The following CDH18 variants were observed in gnomAD, a reference collection of about 807,000 sequenced individuals.
CDH18 encodes cadherin 18.
In CDH18, 31 loss-of-function variants were observed where a neutral mutation model predicts 67.9. The ratio of observed to expected loss-of-function variants is 0.46; its 90% CI spans 0.34 to 0.62. The LOEUF is 0.62. Among genes scored for constraint, CDH18 ranks in the 20% least tolerant of loss-of-function variants. The pLI is 0.01. For synonymous variants in CDH18, 362 were observed against 347.2 expected, an observed-to-expected ratio of 1.04 and a Z score of -0.48; for missense variants, 890 against 975.5, an observed-to-expected ratio of 0.91 and a Z score of 1.17.
intron 2 of CDH18, among the ~76,000 whole-genome samples, chr5:20,110,540 C>T (rs903717580): frequency 1.3e-5 from 2 of 152,010 alleles, no homozygotes; most frequent in Non-Finnish European, 2.9e-5. Context: ...AAAAATTAGC[C>T]GGGTGTGGTG....
At chr5:20,504,759 AATTTTTTTT>A (rs1754553003) in intron 1 of CDH18, among the ~76,000 whole-genome samples, 1 of 122,294 alleles carries the variant, frequency 8.2e-6, no homozygotes, top group Admixed American at 1.1e-4. Flanking sequence ...CACAAAAGGG[AATTTTTTTT>A]TTTTTTTTTT....
chr5:20,016,611 C>T (rs1737904510), intron 2 of CDH18, among the ~76,000 whole-genome samples: 1 of 152,136 alleles, frequency 6.6e-6, no homozygotes, highest in South Asian at 2.1e-4. Flanking sequence ...TGCATAGTTG[C>T]AGTCAGAGTG....
intron 7 of CDH18, among the ~76,000 whole-genome samples, chr5:19,588,260 T>C (rs1268327013): frequency 6.6e-6 from 1 of 152,128 alleles, no homozygotes; most frequent in Non-Finnish European, 1.5e-5. Flanking sequence ...TCTTCCTATC[T>C]GAATACCCTT....
At chr5:20,392,600 T>C (rs114638467) in intron 1 of CDH18, among the ~76,000 whole-genome samples, 1,748 of 152,016 alleles carry the variant, frequency 0.011, 18 homozygotes, top group Non-Finnish European at 0.017. Context: ...CTTGAAAAAT[T>C]ATGTAATATG....
intron 1 of CDH18, among the ~76,000 whole-genome samples, chr5:20,490,197 T>C (rs954822010): frequency 3.9e-5 from 6 of 152,016 alleles, no homozygotes; most frequent in Non-Finnish European, 2.9e-5. Flanking sequence ...ATTCGGGCCC[T>C]GGGGCCATTT....
intron 5 of CDH18, among the ~76,000 whole-genome samples, chr5:19,709,742 G>T (rs946181864): frequency 1.3e-5 from 2 of 151,614 alleles, no homozygotes; most frequent in Admixed American, 6.6e-5. Flanking sequence ...GAAAGAAAAG[G>T]CATATCCCAA....
intron 1 of CDH18, among the ~76,000 whole-genome samples, chr5:20,411,996 T>C (rs1380617179): frequency 1.3e-5 from 2 of 152,106 alleles, no homozygotes; most frequent in African/African-American, 4.8e-5. Context: ...TTCTATCAAA[T>C]TATCAACATC....
intron 2 of CDH18, among the ~76,000 whole-genome samples, chr5:20,065,382 AG>A (rs1222262263): frequency 2.6e-5 from 4 of 152,092 alleles, no homozygotes; most frequent in African/African-American, 7.2e-5. Context: ...GTAATATAAA[AG>A]TAGATTTCCC....
intron 9 of CDH18, among the ~76,000 whole-genome samples, chr5:19,529,955 T>A (rs1183571528): frequency 1.3e-5 from 2 of 152,142 alleles, no homozygotes; most frequent in East Asian, 3.8e-4. Context: ...AAAAGTTATA[T>A]GCAACAAAAA....
chr5:20,150,417 G>C (rs1398918348), intron 2 of CDH18, among the ~76,000 whole-genome samples: 1 of 151,992 alleles, frequency 6.6e-6, no homozygotes, highest in Non-Finnish European at 1.5e-5. Context: ...TGCTTAAAAA[G>C]TAGAGATGCC....
chr5:19,858,966 GA>G (rs754139144), intron 2 of CDH18, among the ~76,000 whole-genome samples: 13 of 149,526 alleles, frequency 8.7e-5, no homozygotes, highest in South Asian at 8.5e-4. Context: ...CATGAAAAAT[GA>G]AAAAAAAACT....
chr5:20,003,955 ATAAC>A (rs1736669775), intron 2 of CDH18, among the ~76,000 whole-genome samples: 2 of 152,294 alleles, frequency 1.3e-5, no homozygotes, highest in East Asian at 1.9e-4. Context: ...TAATAACAAA[ATAAC>A]TATTTTTTCT....
At chr5:19,514,656 G>A (rs1179680518) in intron 10 of CDH18, among the ~76,000 whole-genome samples, 1 of 152,174 alleles carries the variant, frequency 6.6e-6, no homozygotes, top group African/African-American at 2.4e-5. Flanking sequence ...TTTGAAAAGT[G>A]TTTGTTCTTA....
chr5:19,744,878 T>A (rs536643086), intron 4 of CDH18, among the ~76,000 whole-genome samples: 1 of 152,302 alleles, frequency 6.6e-6, no homozygotes, highest in African/African-American at 2.4e-5. Context: ...TTATTAGGCT[T>A]TAAAACTTTA....
chr5:20,248,754 G>A (rs537669849), intron 2 of CDH18, among the ~76,000 whole-genome samples: 1 of 152,120 alleles, frequency 6.6e-6, no homozygotes, highest in African/African-American at 2.4e-5. Context: ...ATAAGCGAAC[G>A]TTGAACTTAA....
At chr5:20,333,505 C>CA (rs376922406) in intron 1 of CDH18, among the ~76,000 whole-genome samples, 57,363 of 115,858 alleles carry the variant, frequency 0.5, 14,167 homozygotes, top group Middle Eastern at 0.68. Flanking sequence ...GACTCCATCT[C>CA]AAAAAAAAAA....
At chr5:20,016,670 A>C (rs528217026) in intron 2 of CDH18, among the ~76,000 whole-genome samples, 1 of 152,268 alleles carries the variant, frequency 6.6e-6, no homozygotes, top group South Asian at 2.1e-4. Context: ...AAAAATTTTC[A>C]ATTGTCCAAT....
intron 5 of CDH18, among the ~76,000 whole-genome samples, chr5:19,663,324 A>G (rs4527604): frequency 0.92 from 139,170 of 151,886 alleles, 64,166 homozygotes; most frequent in Non-Finnish European, 0.96. Context: ...AACCTATACT[A>G]ATACTAACTG....
chr5:19,538,647 C>T (rs1350239393), intron 9 of CDH18, among the ~76,000 whole-genome samples: 6 of 151,880 alleles, frequency 4.0e-5, no homozygotes, highest in African/African-American at 9.7e-5. Context: ...CCTACAGGGC[C>T]ATATTAGAAT....
Sources: allele counts gnomAD v4.1 joint callset (sites outside exome capture counted in the v4.1 genomes callset), GRCh38; gene constraint gnomAD v4.1.1; transcripts MANE v1.5; gene names NCBI Gene and HGNC (gene_info 2026-07-23, HGNC 2026-07-21).